The following C12orf42 variants were observed in gnomAD, a reference collection of about 807,000 sequenced individuals.
The protein encoded by C12orf42 is uncharacterized protein C12orf42.
C12orf42 carries 25 observed loss-of-function variants against 21.6 expected under a neutral mutation model. The ratio of observed to expected loss-of-function variants is 1.16; its 90% CI spans 0.84 to 1.62. C12orf42 has a LOEUF of 1.62. Among genes scored for constraint, C12orf42 ranks in the 40% most tolerant of loss-of-function variants. The pLI is 0.00. For synonymous variants in C12orf42, 174 were observed against 175.0 expected (o/e 0.99, Z 0.05); for missense variants, 483 against 459.3 (o/e 1.05, Z -0.47).
the C12orf42 span, among the ~76,000 whole-genome samples, chr12:103,196,797 G>C: frequency 4.6e-5 from 7 of 151,776 alleles, no homozygotes; most frequent in Admixed American, 1.3e-4. Context: ...TTTTCTTTGA[G>C]CTTACAGGTG....
downstream of C12orf42, among the ~76,000 whole-genome samples, chr12:103,267,165 C>T (rs922094125): frequency 1.3e-5 from 2 of 152,084 alleles, no homozygotes; most frequent in African/African-American, 4.8e-5. Context: ...AGATAAAAGG[C>T]CATCAATTCC....
chr12:103,271,585 T>C (rs1365681714), intron 5 of C12orf42, among the ~76,000 whole-genome samples: 1 of 152,056 alleles, frequency 6.6e-6, no homozygotes, highest in Admixed American at 6.6e-5. Flanking sequence ...AGGTTTTTAT[T>C]AGGAGTAAAT....
intron 2 of C12orf42, among the ~76,000 whole-genome samples, chr12:103,468,090 G>A (rs1234276689): frequency 6.6e-6 from 1 of 152,046 alleles, no homozygotes; most frequent in Non-Finnish European, 1.5e-5. Flanking sequence ...GCTGTGCTTT[G>A]GAAAATAACT....
At chr12:103,493,561 C>T (rs1247207844) in intron 1 of C12orf42, among the ~76,000 whole-genome samples, 1 of 151,930 alleles carries the variant, frequency 6.6e-6, no homozygotes, top group Non-Finnish European at 1.5e-5. Context: ...ATGTGATTTC[C>T]TCAGAGAGGA....
At chr12:103,285,401 G>T (rs2036380921) in intron 4 of C12orf42, among the ~76,000 whole-genome samples, 1 of 152,184 alleles carries the variant, frequency 6.6e-6, no homozygotes, top group African/African-American at 2.4e-5. Context: ...TTGGATTAGG[G>T]CTTAGAGAGA....
At chr12:103,241,841 C>T (rs1011136756) in intron 10 of C12orf42, among the ~76,000 whole-genome samples, 1 of 152,160 alleles carries the variant, frequency 6.6e-6, no homozygotes, top group African/African-American at 2.4e-5. Context: ...ATGTGTGTTA[C>T]ACTCATTTGT....
intron 5 of C12orf42, among the ~76,000 whole-genome samples, chr12:103,274,262 G>A (rs2035634242): frequency 1.3e-5 from 2 of 152,178 alleles, no homozygotes; most frequent in Admixed American, 6.6e-5. Flanking sequence ...CAGTTTATCT[G>A]TGATGCCTGT....
the C12orf42 span, among the ~76,000 whole-genome samples, chr12:103,216,115 T>C: frequency 1.1e-4 from 16 of 152,194 alleles, no homozygotes; most frequent in African/African-American, 3.9e-4. Context: ...GCATACATAC[T>C]GACCAAGAAA....
chr12:103,052,098 A>G, the C12orf42 span, among the ~76,000 whole-genome samples: 5 of 152,092 alleles, frequency 3.3e-5, no homozygotes, highest in Admixed American at 6.6e-5. Flanking sequence ...TCTTTATTTT[A>G]CTATTGGTAG....
At chr12:103,294,237 A>C (rs2037000554) in intron 4 of C12orf42, among the ~76,000 whole-genome samples, 1 of 151,992 alleles carries the variant, frequency 6.6e-6, no homozygotes, top group East Asian at 1.9e-4. Context: ...TTAATGCTTC[A>C]TGATCTCAAT....
chr12:103,453,806 C>T (rs1293829432), intron 2 of C12orf42, among the ~76,000 whole-genome samples: 1 of 152,038 alleles, frequency 6.6e-6, no homozygotes, highest in Admixed American at 6.6e-5. Flanking sequence ...TGTTAAATTA[C>T]TTTCTGTACT....
intron 1 of C12orf42, among the ~76,000 whole-genome samples, chr12:103,490,988 C>T (rs532510886): frequency 2.6e-5 from 4 of 152,178 alleles, no homozygotes; most frequent in African/African-American, 9.6e-5. Flanking sequence ...TATATGCCTG[C>T]ATAAAATTGT....
chr12:103,075,322 A>C, the C12orf42 span, among the ~76,000 whole-genome samples: 1 of 152,042 alleles, frequency 6.6e-6, no homozygotes, highest in African/African-American at 2.4e-5. Context: ...AAATCATCTT[A>C]ATTTGTTGTA....
At chr12:103,204,727 T>C in the C12orf42 span, among the ~76,000 whole-genome samples, 41 of 152,178 alleles carry the variant, frequency 2.7e-4, no homozygotes, top group Non-Finnish European at 4.9e-4. Context: ...AAACTACTTA[T>C]GCAAACTGAA....
chr12:103,077,603 G>A, the C12orf42 span, among the ~76,000 whole-genome samples: 1 of 152,314 alleles, frequency 6.6e-6, no homozygotes, highest in Admixed American at 6.5e-5. Flanking sequence ...AAGGTGAAGA[G>A]AATTTGGCAT....
chr12:103,327,617 G>A (rs1049402428), intron 4 of C12orf42, among the ~76,000 whole-genome samples: 1 of 152,134 alleles, frequency 6.6e-6, no homozygotes, highest in African/African-American at 2.4e-5. Flanking sequence ...ATTAAGACCA[G>A]GTGTTGAAGT....
intron 4 of C12orf42, among the ~76,000 whole-genome samples, chr12:103,311,877 C>G (rs1265796121): frequency 1.3e-5 from 2 of 152,128 alleles, no homozygotes; most frequent in Non-Finnish European, 2.9e-5. Context: ...AATGTATAAT[C>G]AGGGCAGGGA....
chr12:103,394,615 A>ATACTAAC (rs2047357454), intron 3 of C12orf42, among the ~76,000 whole-genome samples: 1 of 152,234 alleles, frequency 6.6e-6, no homozygotes, highest in Admixed American at 6.5e-5. Context: ...ATTTTCAGAA[A>ATACTAAC]GCAATTTTTT....
the C12orf42 span, among the ~76,000 whole-genome samples, chr12:103,155,446 A>G: frequency 6.6e-6 from 1 of 152,198 alleles, no homozygotes; most frequent in Non-Finnish European, 1.5e-5. Flanking sequence ...CAAAGAAAGC[A>G]GAAAAAACAA....
Sources: gnomAD v4.1 joint callset for allele counts (sites outside exome capture counted in the v4.1 genomes callset) on GRCh38, gnomAD v4.1.1 for gene constraint, MANE v1.5 for transcripts, NCBI Gene and HGNC (gene_info 2026-07-23, HGNC 2026-07-21) for gene names.